Variants in DCBLD1 observed in about 807,000 individuals in gnomAD.
DCBLD1 encodes discoidin, CUB and LCCL domain containing 1, also known as discoidin, CUB and LCCL domain-containing protein 1.
A neutral mutation model predicts 71.5 loss-of-function variants in DCBLD1; 57 were observed. That is an observed-to-expected ratio of 0.80 (90% CI 0.64 to 0.99). The LOEUF (loss-of-function observed/expected upper bound fraction) is 0.99, where lower values mean the gene tolerates loss of function less well. Ranked by LOEUF, DCBLD1 falls within the 50% of genes least tolerant of loss-of-function variation. The pLI is 0.00. For synonymous variants in DCBLD1, 380 were observed against 363.8 expected (o/e 1.04, Z -0.51); for missense variants, 891 against 923.5 (o/e 0.96, Z 0.46).
chr6:117,503,729 C>A (rs1230621842), intron 1 of DCBLD1, 38 bp from the exon 2 acceptor site: 2 of 1,593,484 alleles, frequency 1.3e-6, no homozygotes, highest in Admixed American at 3.3e-5. Context: ...ATTAATGACC[C>A]CTTCTTCTTT....
At chr6:117,530,903 T>C (rs1207393132) in intron 5 of DCBLD1, among the ~76,000 whole-genome samples, 10 of 152,176 alleles carry the variant, frequency 6.6e-5, no homozygotes, top group Non-Finnish European at 1.5e-4. Context: ...ATTTTAATTC[T>C]TTTTTTCCTC....
intron 6 of DCBLD1, 76 bp downstream of exon 6, chr6:117,532,469 T>C (rs1178161082): frequency 6.9e-6 from 10 of 1,457,580 alleles, no homozygotes; most frequent in Non-Finnish European, 9.1e-6. Flanking sequence ...CTCACAACTT[T>C]GAAAAGACAG....
chr6:117,513,576 G>T (rs1023968976), intron 2 of DCBLD1, among the ~76,000 whole-genome samples: 1 of 152,216 alleles, frequency 6.6e-6, no homozygotes, highest in East Asian at 1.9e-4. Flanking sequence ...TGACTGCAAA[G>T]TAAGATGGAA....
At chr6:117,486,048 G>C (rs567736683) in intron 1 of DCBLD1, among the ~76,000 whole-genome samples, 2 of 152,208 alleles carry the variant, frequency 1.3e-5, no homozygotes, top group Non-Finnish European at 2.9e-5. Context: ...AGCAGAATTT[G>C]AACTCTGAAT....
chr6:117,499,893 C>A (rs564334480), intron 1 of DCBLD1, among the ~76,000 whole-genome samples: 26 of 152,294 alleles, frequency 1.7e-4, no homozygotes, highest in African/African-American at 6.3e-4. Flanking sequence ...TAGCGCATGC[C>A]TGTAATCGCA....
chr6:117,528,905 A>G (rs546946965), intron 5 of DCBLD1, among the ~76,000 whole-genome samples: 1 of 152,042 alleles, frequency 6.6e-6, no homozygotes, highest in Non-Finnish European at 1.5e-5. Context: ...CAGTGGTGTG[A>G]TCTTGGCTCA....
At chr6:117,496,127 G>T (rs1250533323) in intron 1 of DCBLD1, among the ~76,000 whole-genome samples, 2 of 152,034 alleles carry the variant, frequency 1.3e-5, no homozygotes, top group African/African-American at 4.8e-5. Flanking sequence ...ATCCTTATTA[G>T]ATCACTAGTC....
rs907382298 is a variant in DCBLD1 at position 117,540,451 on chromosome 6, G to A, written c.1102-217G>A. 3 of 517,660 alleles carry A rather than the reference G, an allele frequency of 5.8e-6. No homozygotes were observed. The East Asian group carries it at 9.7e-5, about 17-fold the overall frequency. 32.1% of individuals were successfully genotyped at this position (517,660 alleles called of 1,614,324 possible). A position where few individuals can be genotyped will look rare whatever the true frequency, so the allele number is the denominator to read the frequency against. ...CAATTTTAGCTTCTTTATCCAAAAT[G>A]AAATTTAAATCAGTAAACAGTTGAG... On this transcript the variant is annotated intron_variant, in intron 9 of 14. Coordinates refer to ENST00000338728, the MANE Select transcript of DCBLD1 (RefSeq NM_001366458.2).
Position 117,519,916 on chromosome 6 carries a change from T to A in DCBLD1, c.426T>A (p.Gly142=). ...GTGGATCCCACATTTCTGGCCGGGG[T>A]TTTTTGCTGACCTATGCGAGCAGCG... ...FESGSHISGR[G]FLLTYASSDH... is the part of the protein sequence containing the mutation. Residue 142 remains glycine, a synonymous_variant, in exon 3 of 15, where the codon GGT becomes GGA. Coordinates refer to ENST00000338728, the MANE Select transcript of DCBLD1 (RefSeq NM_001366458.2). 2 of 1,613,002 alleles carry A rather than the reference T, an allele frequency of 1.2e-6. No homozygotes were observed. Among genetic ancestry groups the A allele is most frequent in the Non-Finnish European group, 1.7e-6 (2 of 1,179,594 alleles).
At chr6:117,530,957 A>AT (rs888689898) in intron 5 of DCBLD1, among the ~76,000 whole-genome samples, 2 of 151,616 alleles carry the variant, frequency 1.3e-5, no homozygotes, top group African/African-American at 4.9e-5. Context: ...CAGTATTCTC[A>AT]TTTTTTTTCT....
At chr6:117,545,230 G>A (rs1779227653) in intron 13 of DCBLD1, among the ~76,000 whole-genome samples, 1 of 152,006 alleles carries the variant, frequency 6.6e-6, no homozygotes, top group Non-Finnish European at 1.5e-5. Flanking sequence ...CTCACAAAGG[G>A]AGAATCTGGG....
chr6:117,568,026 C>CAA (rs779227271), intron 14 of DCBLD1, among the ~76,000 whole-genome samples: 2,966 of 46,498 alleles, frequency 0.064, 70 homozygotes, highest in Non-Finnish European at 0.1. Flanking sequence ...CCCATCTCTA[C>CAA]AAAAAAAAAA....
intron 2 of DCBLD1, among the ~76,000 whole-genome samples, chr6:117,510,047 A>G (rs1279918997): frequency 6.6e-6 from 1 of 152,072 alleles, no homozygotes; most frequent in Non-Finnish European, 1.5e-5. Context: ...AGGCCATCTA[A>G]TGTTGTGTAA....
intron 9 of DCBLD1, chr6:117,539,638 T>TAG (rs1482382505): frequency 4.1e-6 from 1 of 246,056 alleles, no homozygotes; most frequent in African/African-American, 2.3e-5. Flanking sequence ...CTTGTAGTCC[T>TAG]AGATACTTGG....
chr6:117,548,268 G>A lies in DCBLD1; in HGVS notation c.1977G>A (p.Gln659=). 6.4e-7 allele frequency: 1 copy of A among 1,550,652 alleles called. No homozygotes were observed. ...DGDYQRPHSA[Q]PADRGYDRPK... ...ACTATCAAAGGCCACACAGCGCACAGCCTGCGGACAGGGGCTACGACCGGC... is the reference window on the plus strand; with the variant it reads ...ACTATCAAAGGCCACACAGCGCACAACCTGCGGACAGGGGCTACGACCGGC... The change falls in exon 15 of 15, where the codon CAG becomes CAA. Residue 659 remains glutamine, a synonymous_variant. Coordinates refer to ENST00000338728, the MANE Select transcript of DCBLD1 (RefSeq NM_001366458.2).
At chr6:117,489,650 C>T (rs773328625) in intron 1 of DCBLD1, among the ~76,000 whole-genome samples, 1 of 152,048 alleles carries the variant, frequency 6.6e-6, no homozygotes, top group Non-Finnish European at 1.5e-5. Context: ...TTTGGGAGGC[C>T]GAGGCGGGTG....
intron 6 of DCBLD1, among the ~76,000 whole-genome samples, chr6:117,534,360 A>G (rs896057625): frequency 6.6e-6 from 1 of 152,232 alleles, no homozygotes; most frequent in Non-Finnish European, 1.5e-5. Flanking sequence ...AAAAGTGATC[A>G]CTTATGCACA....
downstream of DCBLD1, among the ~76,000 whole-genome samples, chr6:117,552,669 G>A (rs1779446988): frequency 6.6e-6 from 1 of 152,118 alleles, no homozygotes; most frequent in Non-Finnish European, 1.5e-5. Context: ...GCTAGAGAAT[G>A]AAGTGCCCAA....
intron 1 of DCBLD1, among the ~76,000 whole-genome samples, chr6:117,503,173 AC>A (rs113769462): frequency 0.3 from 44,877 of 152,050 alleles, 7,780 homozygotes; most frequent in African/African-American, 0.49. Context: ...TAGATCCTTG[AC>A]ATTTTCTGAT....
Sources: gnomAD v4.1 joint callset for allele counts (sites outside exome capture counted in the v4.1 genomes callset) on GRCh38, gnomAD v4.1.1 for gene constraint, MANE v1.5 for transcripts, NCBI Gene and HGNC (gene_info 2026-07-23, HGNC 2026-07-21) for gene names.